The following RAB38 variants were observed in gnomAD, a reference collection of about 807,000 sequenced individuals.
RAB38 encodes ras-related protein Rab-38.
In RAB38, 15 loss-of-function variants were observed where a neutral mutation model predicts 18.4. The observed-to-expected ratio is 0.82, with a 90% CI of 0.55 to 1.26. The LOEUF is 1.26. Among genes scored for constraint, RAB38 ranks in the 50% most tolerant of loss-of-function variants. The pLI is 0.00. For missense variants in RAB38, 294 were observed against 267.4 expected, an observed-to-expected ratio of 1.10 and a Z score of -0.69; for synonymous variants, 101 against 104.4, an observed-to-expected ratio of 0.97 and a Z score of 0.20.
At chr11:88,053,461 G>T in the RAB38 span, among the ~76,000 whole-genome samples, 1 of 128,698 alleles carries the variant, frequency 7.8e-6, no homozygotes, top group Non-Finnish European at 1.6e-5. Flanking sequence ...CATATATATG[G>T]AATATATATA....
chr11:87,893,390 A>ATATATATATATAT, the RAB38 span, among the ~76,000 whole-genome samples: 10 of 93,890 alleles, frequency 1.1e-4, no homozygotes, highest in South Asian at 4.0e-4. Context: ...ATATATATAT[A>ATATATATATATAT]TTTTTTTTTT....
chr11:88,170,468 T>C (rs190998), intron 1 of RAB38, among the ~76,000 whole-genome samples: 151,775 of 152,344 alleles, frequency 1, 75,608 homozygotes, highest in East Asian at 1. Context: ...TAAGTCCGAA[T>C]CCTATCTTTG....
the RAB38 span, among the ~76,000 whole-genome samples, chr11:87,885,626 T>C: frequency 1.4e-4 from 21 of 152,004 alleles, no homozygotes; most frequent in Non-Finnish European, 2.6e-4. Context: ...AAAATACTTC[T>C]GTACCTCACC....
the RAB38 span, among the ~76,000 whole-genome samples, chr11:88,069,307 T>A: frequency 6.6e-6 from 1 of 152,212 alleles, no homozygotes. Flanking sequence ...GCTCAGGACC[T>A]GCAGCCCGCC....
chr11:87,964,596 T>G, the RAB38 span, among the ~76,000 whole-genome samples: 1 of 152,070 alleles, frequency 6.6e-6, no homozygotes, highest in South Asian at 2.1e-4. Context: ...AGAAGAGAAT[T>G]GAGCCTATTT....
the RAB38 span, chr11:87,879,621 C>T: frequency 6.6e-6 from 1 of 151,664 alleles, no homozygotes; most frequent in Non-Finnish European, 1.5e-5. Context: ...CCTCTATGCT[C>T]ATCTCATGTG....
chr11:88,151,060 T>C (rs576949441), intron 1 of RAB38, among the ~76,000 whole-genome samples: 3 of 152,170 alleles, frequency 2.0e-5, no homozygotes, highest in African/African-American at 7.2e-5. Flanking sequence ...AGGATAAGGA[T>C]TGGTTTCAGA....
chr11:88,029,803 C>G, the RAB38 span, among the ~76,000 whole-genome samples: 527 of 152,166 alleles, frequency 3.5e-3, 2 homozygotes, highest in African/African-American at 0.012. Context: ...ACCCCACTGT[C>G]AACATTAGAC....
chr11:88,161,845 G>T (rs1001753124), intron 1 of RAB38, among the ~76,000 whole-genome samples: 1 of 151,794 alleles, frequency 6.6e-6, no homozygotes, highest in East Asian at 1.9e-4. Context: ...ATACTACCTT[G>T]GAATCAATTT....
the RAB38 span, among the ~76,000 whole-genome samples, chr11:87,945,080 T>A: frequency 2.6e-5 from 4 of 151,808 alleles, no homozygotes; most frequent in Non-Finnish European, 5.9e-5. Flanking sequence ...ATGGGTAAAT[T>A]TTAAATTTTT....
chr11:87,941,062 G>A, the RAB38 span, among the ~76,000 whole-genome samples: 2 of 151,184 alleles, frequency 1.3e-5, no homozygotes, highest in African/African-American at 4.9e-5. Flanking sequence ...GGTGAACCTA[G>A]AACTAAAGAC....
At chr11:87,863,896 C>T in the RAB38 span, among the ~76,000 whole-genome samples, 1 of 151,644 alleles carries the variant, frequency 6.6e-6, no homozygotes, top group African/African-American at 2.4e-5. Context: ...GTGCTTTTTC[C>T]TATAAATGAG....
chr11:88,051,467 A>T, the RAB38 span, among the ~76,000 whole-genome samples: 1 of 151,294 alleles, frequency 6.6e-6, no homozygotes, highest in Admixed American at 6.6e-5. Context: ...GGCTTTGAAA[A>T]CTCAACTGAC....
the RAB38 span, among the ~76,000 whole-genome samples, chr11:87,836,497 C>T: frequency 1.3e-5 from 2 of 152,102 alleles, no homozygotes; most frequent in Non-Finnish European, 2.9e-5. Context: ...TTCTCATGCC[C>T]TTTGCTACTA....
rs35001817 is a variant in RAB38 at position 88,152,429 on chromosome 11, G to A, written c.203-2474C>T. Among the ~76,000 whole-genome samples, 625 of 152,182 alleles carry A rather than the reference G, an allele frequency of 4.1e-3. 1 individual carries two copies. Among genetic ancestry groups the A allele is most frequent in the East Asian group, 0.018 (94 of 5,186 alleles). On this transcript the variant is annotated intron_variant, in intron 1 of 2. Coordinates refer to ENST00000243662, the MANE Select transcript of RAB38 (RefSeq NM_022337.3). ...CAAAAAGGAAAATATGTGTGTGTGTGTATATATATATGTGTGTGTGTTTGA... is the reference window on the plus strand; with the variant it reads ...CAAAAAGGAAAATATGTGTGTGTGTATATATATATATGTGTGTGTGTTTGA...
At chr11:87,963,781 G>T in the RAB38 span, among the ~76,000 whole-genome samples, 2 of 151,644 alleles carry the variant, frequency 1.3e-5, no homozygotes, top group Admixed American at 1.3e-4. Flanking sequence ...CAAGTAGCTG[G>T]GATTATAGGC....
the RAB38 span, among the ~76,000 whole-genome samples, chr11:87,891,326 A>G: frequency 1.3e-5 from 2 of 150,186 alleles, no homozygotes; most frequent in African/African-American, 5.0e-5. Context: ...AAAAATATAG[A>G]TATAATCCCT....
chr11:88,135,054 T>A (rs7104508), intron 2 of RAB38, among the ~76,000 whole-genome samples: 131,068 of 152,110 alleles, frequency 0.86, 56,781 homozygotes, highest in Middle Eastern at 0.93. Context: ...CTTTCCGTGA[T>A]TTTATATGGC....
the RAB38 span, among the ~76,000 whole-genome samples, chr11:87,896,440 G>A: frequency 1.3e-5 from 2 of 151,584 alleles, no homozygotes; most frequent in Non-Finnish European, 3.0e-5. Flanking sequence ...AAAGAAAACT[G>A]TTTCGAATTT....
Sources: gnomAD v4.1 joint callset for allele counts (sites outside exome capture counted in the v4.1 genomes callset) on GRCh38, gnomAD v4.1.1 for gene constraint, MANE v1.5 for transcripts, NCBI Gene and HGNC (gene_info 2026-07-23, HGNC 2026-07-21) for gene names.